The following DOCK1 variants were observed in gnomAD, a reference collection of about 807,000 sequenced individuals.
The protein encoded by DOCK1 is dedicator of cytokinesis 1, also known as dedicator of cytokinesis protein 1.
DOCK1 carries 138 observed loss-of-function variants against 262.7 expected under a neutral mutation model. The observed-to-expected ratio is 0.53, with a 90% confidence interval of 0.46 to 0.61. DOCK1 has a LOEUF of 0.61. DOCK1 is among the 20% of genes least tolerant of loss of function. The pLI, the probability that DOCK1 is intolerant of heterozygous loss-of-function variation, is 0.00. For synonymous variants in DOCK1, 866 were observed against 867.4 expected (o/e 1.00, Z 0.03); for missense variants, 1,908 against 2,370.7 (o/e 0.80, Z 4.05).
chr10:127,058,921 G>T (rs1163302050), intron 22 of DOCK1, among the ~76,000 whole-genome samples: 1 of 151,936 alleles, frequency 6.6e-6, no homozygotes, highest in Admixed American at 6.6e-5. Context: ...TTTTATGTTT[G>T]TAATTGTTTT....
At position 127,384,848 on chromosome 10, in the gene DOCK1, C is replaced by G; in HGVS notation, c.3866C>G (p.Thr1289Arg). The G allele has an allele frequency of 6.2e-7, 1 of 1,609,644 alleles. No homozygotes were observed. The highest frequency in any genetic ancestry group is 8.5e-7 in the Non-Finnish European group (1 of 1,178,708). Residue 1289 changes from threonine (T) to arginine (R), a missense_variant, in exon 38 of 52, where the codon ACG becomes AGG. By Grantham distance (71) the Thr-to-Arg change is moderately conservative. Coordinates refer to ENST00000623213, the MANE Select transcript of DOCK1 (RefSeq NM_001290223.2). ...CAGCGGGACGGGTACCAGGCCACCA[C>G]GCAGGGACAGCTGAAGGAGCAGCTC... The part of the protein sequence containing the change: ...LTQRDGYQAT[T>R]QGQLKEQLYQ...
At chr10:127,055,911 C>T (rs2045109622) in intron 22 of DOCK1, among the ~76,000 whole-genome samples, 1 of 152,160 alleles carries the variant, frequency 6.6e-6, no homozygotes, top group African/African-American at 2.4e-5. Flanking sequence ...TTCTGGTGCT[C>T]AACAGCATGG....
At chr10:127,385,038 T>G in intron 38 of DOCK1, 129 bp downstream of exon 38, 1 of 1,193,132 alleles carries the variant, frequency 8.4e-7, no homozygotes, top group Non-Finnish European at 1.1e-6. Context: ...TATTGAAATG[T>G]TTTATGCATG....
chr10:127,141,205 G>A (rs2051208236), intron 27 of DOCK1, among the ~76,000 whole-genome samples: 1 of 152,122 alleles, frequency 6.6e-6, no homozygotes, highest in South Asian at 2.1e-4. Flanking sequence ...TGTCTTATTT[G>A]TTTTTGCACT....
At chr10:127,256,266 T>G (rs1018371318) in intron 28 of DOCK1, among the ~76,000 whole-genome samples, 1 of 152,244 alleles carries the variant, frequency 6.6e-6, no homozygotes, top group Admixed American at 6.5e-5. Flanking sequence ...CAATTTTAAC[T>G]TGTGCCTCTT....
chr10:127,139,144 T>G (rs2050983227), intron 27 of DOCK1, among the ~76,000 whole-genome samples: 2 of 152,228 alleles, frequency 1.3e-5, no homozygotes, highest in Non-Finnish European at 2.9e-5. Flanking sequence ...TCAGCGTTGA[T>G]GATAATGCAT....
At chr10:127,151,644 T>C (rs60238898) in intron 27 of DOCK1, among the ~76,000 whole-genome samples, 14,985 of 152,198 alleles carry the variant, frequency 0.098, 2,119 homozygotes, top group African/African-American at 0.31. Context: ...GTCTGTAAAA[T>C]CACATCTGCA....
intron 21 of DOCK1, among the ~76,000 whole-genome samples, chr10:127,046,322 C>G (rs1400077465): frequency 6.6e-6 from 1 of 152,142 alleles, no homozygotes; most frequent in Non-Finnish European, 1.5e-5. Context: ...GAGATGGACA[C>G]CGTAGCAGGA....
intron 29 of DOCK1, among the ~76,000 whole-genome samples, chr10:127,286,865 T>G (rs1016148395): frequency 1.5e-4 from 23 of 151,528 alleles, no homozygotes; most frequent in Non-Finnish European, 2.8e-4. Context: ...CTACTTTTTT[T>G]CTTTTTTTTT....
intron 29 of DOCK1, among the ~76,000 whole-genome samples, chr10:127,286,552 C>T (rs2061160886): frequency 6.6e-6 from 1 of 152,150 alleles, no homozygotes; most frequent in Non-Finnish European, 1.5e-5. Flanking sequence ...CCATCGTTCA[C>T]CTTTACCACT....
chr10:127,054,468 C>T (rs1329998343), intron 22 of DOCK1, among the ~76,000 whole-genome samples: 2 of 152,178 alleles, frequency 1.3e-5, no homozygotes, highest in African/African-American at 4.8e-5. Flanking sequence ...TATGGATATG[C>T]ATGACCTTTG....
chr10:127,036,480 C>G (rs972509253), intron 18 of DOCK1, among the ~76,000 whole-genome samples: 1 of 151,592 alleles, frequency 6.6e-6, no homozygotes, highest in African/African-American at 2.4e-5. Flanking sequence ...TCAGTATTAA[C>G]TAGAGTTTTG....
chr10:126,968,453 A>G (rs1229731591), intron 1 of DOCK1, among the ~76,000 whole-genome samples: 1 of 152,072 alleles, frequency 6.6e-6, no homozygotes, highest in African/African-American at 2.4e-5. Context: ...CTCATTTCAC[A>G]GTTAAATGTG....
At chr10:127,231,001 T>A (rs1273206710) in intron 27 of DOCK1, among the ~76,000 whole-genome samples, 1 of 152,170 alleles carries the variant, frequency 6.6e-6, no homozygotes, top group African/African-American at 2.4e-5. Flanking sequence ...TTTATAGTTT[T>A]CAGTGTACAG....
intron 30 of DOCK1, among the ~76,000 whole-genome samples, chr10:127,342,895 T>G (rs2063493700): frequency 6.6e-6 from 1 of 152,214 alleles, no homozygotes. Context: ...TAAAGAGTCC[T>G]AAATTATGGA....
intron 4 of DOCK1, among the ~76,000 whole-genome samples, chr10:126,986,338 C>A (rs1486034490): frequency 6.6e-6 from 1 of 152,122 alleles, no homozygotes; most frequent in Non-Finnish European, 1.5e-5. Context: ...AGTCAGGGTT[C>A]CTTCCACAGG....
intron 21 of DOCK1, among the ~76,000 whole-genome samples, chr10:127,046,422 C>G (rs540449397): frequency 6.6e-6 from 1 of 152,098 alleles, no homozygotes; most frequent in Non-Finnish European, 1.5e-5. Context: ...GGTGCCTGAT[C>G]GGTGTTAGAA....
intron 29 of DOCK1, among the ~76,000 whole-genome samples, chr10:127,333,401 AGG>A (rs1285250341): frequency 6.6e-6 from 1 of 152,178 alleles, no homozygotes; most frequent in Non-Finnish European, 1.5e-5. Flanking sequence ...GGGTGCTAGA[AGG>A]GCCTGAGGGT....
chr10:127,133,888 A>G (rs1169498550), intron 27 of DOCK1, among the ~76,000 whole-genome samples: 1 of 152,240 alleles, frequency 6.6e-6, no homozygotes, highest in Non-Finnish European at 1.5e-5. Context: ...CTGCACATGC[A>G]GTGCCTGCAA....
Sources: allele counts gnomAD v4.1 joint callset (sites outside exome capture counted in the v4.1 genomes callset), GRCh38; gene constraint gnomAD v4.1.1; transcripts MANE v1.5; gene names NCBI Gene and HGNC (gene_info 2026-07-23, HGNC 2026-07-21).